FILIP1: variants seen among roughly 807,000 people sequenced by gnomAD.
The protein encoded by FILIP1 is filamin-A-interacting protein 1.
In FILIP1, 61 loss-of-function variants were observed where a neutral mutation model predicts 102.1. The ratio of observed to expected loss-of-function variants is 0.60; its 90% CI spans 0.49 to 0.74. The LOEUF (loss-of-function observed/expected upper bound fraction) is 0.74. FILIP1 is among the 30% of genes least tolerant of loss of function. The pLI is 0.00. For synonymous variants in FILIP1, 491 were observed against 526.9 expected (o/e 0.93, Z 0.93); for missense variants, 1,314 against 1,441.2 (o/e 0.91, Z 1.43).
intron 4 of FILIP1, among the ~76,000 whole-genome samples, chr6:75,331,277 C>A (rs1274446980): frequency 6.6e-6 from 1 of 152,114 alleles, no homozygotes; most frequent in East Asian, 1.9e-4. Context: ...ATATGAGCCA[C>A]AGAAATGGCT....
intron 1 of FILIP1, among the ~76,000 whole-genome samples, chr6:75,427,987 G>C (rs1777685860): frequency 6.6e-6 from 1 of 151,778 alleles, no homozygotes; most frequent in East Asian, 1.9e-4. Flanking sequence ...AAAGAGGGTG[G>C]GTTGAAGGAA....
intron 2 of FILIP1, among the ~76,000 whole-genome samples, chr6:75,368,021 C>T (rs896077647): frequency 3.9e-5 from 6 of 152,124 alleles, no homozygotes; most frequent in African/African-American, 1.2e-4. Context: ...GCTTTGAAGA[C>T]GACTCTATGT....
At chr6:75,310,218 T>C (rs1392512857) in intron 5 of FILIP1, among the ~76,000 whole-genome samples, 1 of 152,252 alleles carries the variant, frequency 6.6e-6, no homozygotes, top group Non-Finnish European at 1.5e-5. Flanking sequence ...CCTTCTCTTT[T>C]CCTTCTTGAA....
intron 2 of FILIP1, among the ~76,000 whole-genome samples, chr6:75,387,226 C>T (rs192715593): frequency 8.5e-4 from 130 of 152,196 alleles, no homozygotes; most frequent in Non-Finnish European, 1.5e-3. Flanking sequence ...GCATAGTATT[C>T]CATGGCGTAT....
chr6:75,390,305 T>C (rs1036350034), intron 2 of FILIP1, among the ~76,000 whole-genome samples: 1 of 152,212 alleles, frequency 6.6e-6, no homozygotes, highest in Non-Finnish European at 1.5e-5. Context: ...TTTATTCTCA[T>C]GTCATCAGAT....
chr6:75,381,921 C>T (rs1269660512), intron 2 of FILIP1, among the ~76,000 whole-genome samples: 2 of 152,184 alleles, frequency 1.3e-5, no homozygotes, highest in East Asian at 3.9e-4. Context: ...ACAGAGTTAT[C>T]TAACTCCAAA....
chr6:75,396,106 T>A (rs1776451887), intron 2 of FILIP1, among the ~76,000 whole-genome samples: 1 of 151,596 alleles, frequency 6.6e-6, no homozygotes, highest in Non-Finnish European at 1.5e-5. Context: ...TACTCTCCAA[T>A]AAAAAGAGGC....
chr6:75,326,681 TA>T (rs1403983063), intron 4 of FILIP1, among the ~76,000 whole-genome samples: 2 of 152,206 alleles, frequency 1.3e-5, no homozygotes, highest in Admixed American at 6.5e-5. Context: ...ATAAATAAGG[TA>T]AATCATTATT....
At chr6:75,301,378 A>G (rs2149534452) in intron 6 of FILIP1, among the ~76,000 whole-genome samples, 1 of 152,328 alleles carries the variant, frequency 6.6e-6, no homozygotes, top group East Asian at 1.9e-4. Flanking sequence ...ACTGGGAGAA[A>G]CTGAAGAACT....
chr6:75,295,991 A>G, intron 6 of FILIP1: 1 of 1,332,868 alleles, frequency 7.5e-7, no homozygotes, highest in Non-Finnish European at 9.8e-7. Context: ...AATTAAACTG[A>G]AACTGAGAAT....
chr6:75,339,155 T>C (rs1774338892), intron 4 of FILIP1, among the ~76,000 whole-genome samples: 1 of 152,234 alleles, frequency 6.6e-6, no homozygotes, highest in Non-Finnish European at 1.5e-5. Context: ...GTCTAAATGT[T>C]TGTCACTTGG....
chr6:75,418,244 A>G (rs1582474765), intron 1 of FILIP1, among the ~76,000 whole-genome samples: 2 of 152,232 alleles, frequency 1.3e-5, no homozygotes, highest in South Asian at 2.1e-4. Context: ...CTCACTTCAC[A>G]TAACAAAATT....
At chr6:75,441,938 C>T (rs1414455079) in intron 1 of FILIP1, among the ~76,000 whole-genome samples, 1 of 149,952 alleles carries the variant, frequency 6.7e-6, no homozygotes, top group African/African-American at 2.5e-5. Context: ...GGGGGGCTGA[C>T]CCCCACCTCC....
intron 4 of FILIP1, among the ~76,000 whole-genome samples, chr6:75,332,399 A>G (rs564577069): frequency 7.2e-5 from 11 of 152,320 alleles, no homozygotes; most frequent in Admixed American, 1.3e-4. Flanking sequence ...AATTTACCTA[A>G]TAATTTTCAC....
chr6:75,346,507 CATATTTAA>C (rs1195679929), intron 4 of FILIP1, among the ~76,000 whole-genome samples: 2 of 152,120 alleles, frequency 1.3e-5, no homozygotes, highest in African/African-American at 4.8e-5. Context: ...TGGTCTCCTT[CATATTTAA>C]TCCAGAGGGG....
At chr6:75,384,238 CTT>C (rs894442672) in intron 2 of FILIP1, among the ~76,000 whole-genome samples, 39 of 152,148 alleles carry the variant, frequency 2.6e-4, no homozygotes, top group African/African-American at 8.9e-4. Flanking sequence ...TAGAATTCCA[CTT>C]TGTTAACTTT....
At chr6:75,471,697 C>T (rs1374409577) in intron 1 of FILIP1, among the ~76,000 whole-genome samples, 2 of 151,894 alleles carry the variant, frequency 1.3e-5, no homozygotes, top group East Asian at 1.9e-4. Flanking sequence ...TCAGGAATGG[C>T]GAAAGAAATA....
At chr6:75,441,238 C>A (rs907562910) in intron 1 of FILIP1, among the ~76,000 whole-genome samples, 6 of 151,706 alleles carry the variant, frequency 4.0e-5, no homozygotes, top group Non-Finnish European at 7.4e-5. Context: ...TCTTGCACCG[C>A]CCTTAATCCA....
intron 1 of FILIP1, among the ~76,000 whole-genome samples, chr6:75,455,886 C>A (rs1250232836): frequency 6.6e-6 from 1 of 152,184 alleles, no homozygotes; most frequent in African/African-American, 2.4e-5. Context: ...TCTTAAAGTA[C>A]TTCACAATCC....
Sources: gnomAD v4.1 joint callset for allele counts (sites outside exome capture counted in the v4.1 genomes callset) on GRCh38, gnomAD v4.1.1 for gene constraint, MANE v1.5 for transcripts, NCBI Gene and HGNC (gene_info 2026-07-23, HGNC 2026-07-21) for gene names.